CDCA7L: variants seen among roughly 807,000 people sequenced by gnomAD.
CDCA7L encodes the protein cell division cycle associated 7 like.
CDCA7L carries 44 observed loss-of-function variants against 57.4 expected under a neutral mutation model. The observed-to-expected ratio is 0.77, with a 90% CI of 0.60 to 0.98. CDCA7L has a LOEUF of 0.98. Among genes scored for constraint, CDCA7L ranks in the 50% least tolerant of loss-of-function variants. CDCA7L has a pLI of 0.00. For synonymous variants in CDCA7L, 236 were observed against 202.8 expected (o/e 1.16, Z -1.39); for missense variants, 644 against 580.6 (o/e 1.11, Z -1.12).
chr7:21,900,906 A>G lies in CDCA7L; in HGVS notation c.*1416T>C. Reference sequence around the variant, plus strand: ...ACCACTGACAAGCAAAAATATGACAAAACCAGAATGTTGAATGTTTATTGC... The same window carrying G: ...ACCACTGACAAGCAAAAATATGACAGAACCAGAATGTTGAATGTTTATTGC... On this transcript the variant is annotated 3_prime_UTR_variant, in exon 10 of 10. Transcript: ENST00000406877. 6.8e-7 allele frequency: 1 copy of G among 1,477,408 alleles called. No homozygotes were observed. The highest frequency in any genetic ancestry group is 9.0e-7 in the Non-Finnish European group (1 of 1,114,788). The allele number at this position is 1,477,408 out of a possible 1,614,324, so 91.5% of individuals were successfully genotyped here.
chr7:21,911,398 C>T (rs1156701367), intron 3 of CDCA7L, among the ~76,000 whole-genome samples: 5 of 151,940 alleles, frequency 3.3e-5, no homozygotes, highest in Admixed American at 6.6e-5. Flanking sequence ...CCCTAAGGCA[C>T]GAGGAGAAGA....
intron 3 of CDCA7L, 50 bp from the exon 4 acceptor site, chr7:21,908,557 CA>C: frequency 7.2e-7 from 1 of 1,386,894 alleles, no homozygotes; most frequent in Non-Finnish European, 9.4e-7. Flanking sequence ...TACAGACCCA[CA>C]AAAAAGACAT....
At chr7:21,906,499 G>C (rs767998433) in intron 5 of CDCA7L, 43 bp from the exon 6 acceptor site, 12 of 1,611,004 alleles carry the variant, frequency 7.4e-6, no homozygotes, top group South Asian at 4.4e-5. Flanking sequence ...GGACTCTCTC[G>C]AATAAAAGCC....
At chr7:21,924,156 TA>T (rs1785753865) in intron 1 of CDCA7L, among the ~76,000 whole-genome samples, 1 of 152,214 alleles carries the variant, frequency 6.6e-6, no homozygotes, top group African/African-American at 2.4e-5. Flanking sequence ...CTTCCTGGAT[TA>T]AAAAATACAA....
At chr7:21,911,006 ATTTTTTTTTTTTTTTTTTTTTTTT>A (rs557286550) in intron 3 of CDCA7L, among the ~76,000 whole-genome samples, 136 of 82,532 alleles carry the variant, frequency 1.6e-3, no homozygotes, top group Middle Eastern at 8.1e-3. Context: ...TCTTGAGATA[ATTTTTTTTTTTTTTTTTTTTTTTT>A]TTTTTTTTTT....
Position 21,920,100 on chromosome 7 carries a change from T to C in CDCA7L, c.25-3206A>G, listed in dbSNP as rs79629422. On this transcript the variant is annotated intron_variant, in intron 1 of 9. Transcript: ENST00000406877. ...TGCAATGACTACTAATACAGTTTGT[T>C]GCTACCACCTGGATTCATGCTAAAG... Among the ~76,000 whole-genome samples the C allele has an allele frequency of 3.3e-4, 51 of 152,368 alleles. No individual in the cohort carries two copies. The East Asian group carries it at 9.6e-3, about 29-fold the overall frequency.
chr7:21,932,604 G>C lies in CDCA7L; in HGVS notation c.24+13177C>G, dbSNP rs144537312. Among the ~76,000 whole-genome samples, 1,015 of 152,328 alleles carry C rather than the reference G, an allele frequency of 6.7e-3. 14 individuals carry two copies. Among genetic ancestry groups the C allele is most frequent in the East Asian group, 0.042 (216 of 5,188 alleles). On this transcript the variant is annotated intron_variant, in intron 1 of 9. Transcript: ENST00000406877. ...TGGGAAAACTGGCTAGCCATATGCA[G>C]AAAACTGAAACTGGACCCCTTCCTT...
chr7:21,932,015 A>G (rs918131134), intron 1 of CDCA7L, among the ~76,000 whole-genome samples: 9 of 152,182 alleles, frequency 5.9e-5, no homozygotes, highest in Admixed American at 3.9e-4. Context: ...ATATACCAAT[A>G]ATAGAGAGCA....
intron 1 of CDCA7L, among the ~76,000 whole-genome samples, chr7:21,939,467 T>G (rs892594679): frequency 6.6e-6 from 1 of 152,160 alleles, no homozygotes; most frequent in Non-Finnish European, 1.5e-5. Context: ...AGCAGATGAG[T>G]ACCTAATGAA....
intron 1 of CDCA7L, among the ~76,000 whole-genome samples, chr7:21,932,222 C>T (rs1033682894): frequency 6.6e-6 from 1 of 152,188 alleles, no homozygotes; most frequent in Non-Finnish European, 1.5e-5. Flanking sequence ...AATGGCCATA[C>T]TGCCCAAAGT....
intron 9 of CDCA7L, 35 bp from the exon 10 acceptor site, chr7:21,902,387 T>TACAAATAC: frequency 1.9e-6 from 3 of 1,589,150 alleles, no homozygotes; most frequent in Non-Finnish European, 2.6e-6. Flanking sequence ...GGTAAAGTAG[T>TACAAATAC]ACAAATACAC....
At chr7:21,926,651 C>G (rs1785837578) in intron 1 of CDCA7L, among the ~76,000 whole-genome samples, 1 of 151,962 alleles carries the variant, frequency 6.6e-6, no homozygotes. Context: ...GCAGGAGGAT[C>G]ACTTAAGCTC....
At position 21,909,746 on chromosome 7, in the gene CDCA7L, G is replaced by T. The variant is rs115485327; in HGVS notation, c.304-1239C>A. Among the ~76,000 whole-genome samples, 564 of 152,216 alleles carry T rather than the reference G, an allele frequency of 3.7e-3. 6 individuals are homozygous for T. The highest frequency in any genetic ancestry group is 0.012 in the African/African-American group (507 of 41,522). On this transcript the variant is annotated intron_variant, in intron 3 of 9. Coordinates refer to ENST00000406877, the MANE Select transcript of CDCA7L (RefSeq NM_018719.5). ...CCATTTATCTACCATCCTCATCATC[G>T]ACAGGCCTCTCTTTACCAGATGTGG...
rs1210431131 is a variant in CDCA7L at position 21,905,488 on chromosome 7, A to C, written c.1047+18T>G. 5 of 1,612,312 alleles carry C rather than the reference A, an allele frequency of 3.1e-6. No individual in the cohort carries two copies. Among genetic ancestry groups the C allele is most frequent in the Non-Finnish European group, 4.2e-6 (5 of 1,178,936 alleles). On this transcript the variant is annotated intron_variant, in intron 7 of 9. Transcript: ENST00000406877. ...GCCTTCGACTCCCAATAAGAATGAC[A>C]ATTAATGTATACTTTACCAGAACTT...
Position 21,901,184 on chromosome 7 carries a change from T to TCAGGCTGAAGAGCG in CDCA7L, c.*1124_*1137dup. On this transcript the variant is annotated 3_prime_UTR_variant, in exon 10 of 10. Coordinates refer to ENST00000406877, the MANE Select transcript of CDCA7L (RefSeq NM_018719.5). ...AGAGGCCCCAGCTACATCTGGACCT[T>TCAGGCTGAAGAGCG]CAGGCTGAAGAGCGAAGAGAAGACT... 1 of 1,613,880 alleles carries TCAGGCTGAAGAGCG rather than the reference T, an allele frequency of 6.2e-7. No individual in the cohort carries two copies. The highest frequency in any genetic ancestry group is 8.5e-7 in the Non-Finnish European group (1 of 1,179,858).
At chr7:21,902,533 A>G in intron 9 of CDCA7L, 181 bp from the exon 10 acceptor site, 2 of 617,476 alleles carry the variant, frequency 3.2e-6, no homozygotes, top group Non-Finnish European at 5.8e-6. Context: ...CGCCCCAAGC[A>G]TGACTTGCCT....
intron 3 of CDCA7L, 125 bp downstream of exon 3, chr7:21,911,492 T>G: frequency 8.2e-7 from 1 of 1,213,816 alleles, no homozygotes; most frequent in Non-Finnish European, 1.1e-6. Flanking sequence ...TTATGTTAAT[T>G]GCTTGTAAGA....
At position 21,900,905 on chromosome 7, in the gene CDCA7L, A is replaced by AAAACCAGAATGTT; in HGVS notation, c.*1404_*1416dup. ...TACCACTGACAAGCAAAAATATGAC[A>AAAACCAGAATGTT]AAACCAGAATGTTGAATGTTTATTG... On this transcript the variant is annotated 3_prime_UTR_variant, in exon 10 of 10. Coordinates refer to ENST00000406877, the MANE Select transcript of CDCA7L (RefSeq NM_018719.5). The AAAACCAGAATGTT allele has an allele frequency of 6.8e-7, 1 of 1,478,040 alleles. No individual in the cohort carries two copies. 91.6% of individuals were successfully genotyped at this position (1,478,040 alleles called of 1,614,324 possible). A position where few individuals can be genotyped will look rare whatever the true frequency, so the allele number is the denominator to read the frequency against.
At chr7:21,936,726 A>T (rs967882668) in intron 1 of CDCA7L, among the ~76,000 whole-genome samples, 6 of 152,334 alleles carry the variant, frequency 3.9e-5, no homozygotes, top group Admixed American at 3.3e-4. Context: ...TGAATGGAAG[A>T]TTGAAAGCTT....
Sources: allele counts gnomAD v4.1 joint callset (sites outside exome capture counted in the v4.1 genomes callset), GRCh38; gene constraint gnomAD v4.1.1; transcripts MANE v1.5; gene names NCBI Gene and HGNC (gene_info 2026-07-23, HGNC 2026-07-21).